Variants in PTBP2 observed in about 807,000 individuals in gnomAD.
The protein encoded by PTBP2 is polypyrimidine tract binding protein 2.
In PTBP2, 13 loss-of-function variants were observed where a neutral mutation model predicts 61.4. That is an observed-to-expected ratio of 0.21 (90% CI 0.14 to 0.34). The LOEUF is 0.34. Ranked by LOEUF, PTBP2 falls within the 10% of genes least tolerant of loss-of-function variation. The probability of loss-of-function intolerance (pLI) is 1.00; values close to 1 mark genes in which losing one functional copy is unlikely to be tolerated. For synonymous variants in PTBP2, 215 were observed against 218.5 expected, an observed-to-expected ratio of 0.98 and a Z score of 0.14; for missense variants, 405 against 642.6, an observed-to-expected ratio of 0.63 and a Z score of 4.00.
intron 8 of PTBP2, among the ~76,000 whole-genome samples, chr1:96,801,833 C>T (rs1661022499): frequency 6.7e-6 from 1 of 148,504 alleles, no homozygotes; most frequent in Non-Finnish European, 1.5e-5. Context: ...TACACTCCAG[C>T]CTGGGGGACA....
At chr1:96,748,357 A>C (rs1654110616) in intron 2 of PTBP2, among the ~76,000 whole-genome samples, 1 of 152,224 alleles carries the variant, frequency 6.6e-6, no homozygotes, top group Admixed American at 6.5e-5. Context: ...GTATCTAATA[A>C]CCATGAGAAT....
chr1:96,778,467 GA>G (rs556028253), intron 7 of PTBP2, among the ~76,000 whole-genome samples: 282 of 151,700 alleles, frequency 1.9e-3, no homozygotes, highest in Admixed American at 3.3e-3. Flanking sequence ...GTTACATATG[GA>G]GGATGTAAGG....
At chr1:96,768,418 G>T (rs767113489) in intron 3 of PTBP2, among the ~76,000 whole-genome samples, 12 of 151,944 alleles carry the variant, frequency 7.9e-5, no homozygotes, top group Non-Finnish European at 1.3e-4. Context: ...TAGTTTATAG[G>T]TTGTGTTGAA....
intron 5 of PTBP2, among the ~76,000 whole-genome samples, chr1:96,775,068 C>T (rs1407263438): frequency 3.3e-5 from 5 of 152,148 alleles, no homozygotes; most frequent in Admixed American, 2.6e-4. Context: ...CTCCCTTTAG[C>T]TATTTCTTCT....
downstream of PTBP2, chr1:96,817,319 T>TA (rs1396063595): frequency 2.6e-5 from 4 of 152,074 alleles, no homozygotes; most frequent in East Asian, 7.7e-4. Context: ...CAGAAGAAAG[T>TA]ACAGAATTCA....
chr1:96,798,076 T>TAA (rs563043412), intron 8 of PTBP2, among the ~76,000 whole-genome samples: 6 of 110,310 alleles, frequency 5.4e-5, no homozygotes, highest in African/African-American at 6.9e-5. Context: ...ACTCTGTCTC[T>TAA]AAAAAAAAAA....
At chr1:96,733,650 G>A (rs1651756470) in intron 2 of PTBP2, among the ~76,000 whole-genome samples, 1 of 152,116 alleles carries the variant, frequency 6.6e-6, no homozygotes, top group South Asian at 2.1e-4. Context: ...CAGCCTGGGC[G>A]AGAGGAGATC....
chr1:96,806,722 T>G (rs1661525999), intron 10 of PTBP2, 144 bp from the exon 11 acceptor site: 2 of 701,366 alleles, frequency 2.9e-6, no homozygotes, highest in Non-Finnish European at 4.8e-6. Flanking sequence ...CTTGATCTTC[T>G]TTATTCATTT....
intron 7 of PTBP2, among the ~76,000 whole-genome samples, chr1:96,784,790 A>C (rs1557751273): frequency 6.6e-6 from 1 of 152,042 alleles, no homozygotes; most frequent in Non-Finnish European, 1.5e-5. Context: ...ACCTATTTGC[A>C]ATTTTTAAAA....
chr1:96,775,409 A>G (rs1405697807), intron 5 of PTBP2, among the ~76,000 whole-genome samples: 1 of 152,208 alleles, frequency 6.6e-6, no homozygotes, highest in African/African-American at 2.4e-5. Context: ...CAGCAGCAGA[A>G]TATGTTGTGT....
intron 3 of PTBP2, among the ~76,000 whole-genome samples, chr1:96,767,509 G>A (rs554569790): frequency 5.3e-5 from 8 of 152,094 alleles, no homozygotes; most frequent in African/African-American, 1.7e-4. Flanking sequence ...TGAAGTATTT[G>A]TTCTCGTTAT....
intron 8 of PTBP2, among the ~76,000 whole-genome samples, chr1:96,791,794 C>G (rs1471521554): frequency 7.1e-6 from 1 of 141,526 alleles, no homozygotes; most frequent in Non-Finnish European, 1.5e-5. Context: ...ATACTGGTTA[C>G]TTAAATTCCA....
chr1:96,737,281 C>T (rs1652355027), intron 2 of PTBP2, among the ~76,000 whole-genome samples: 1 of 152,050 alleles, frequency 6.6e-6, no homozygotes, highest in South Asian at 2.1e-4. Flanking sequence ...TTTCTTTTTA[C>T]TTTTAAAAAT....
At chr1:96,772,751 C>T (rs908892973) in intron 5 of PTBP2, among the ~76,000 whole-genome samples, 6 of 152,118 alleles carry the variant, frequency 3.9e-5, no homozygotes, top group African/African-American at 7.2e-5. Flanking sequence ...ATTTCTAGTT[C>T]GTTATTATTT....
At chr1:96,746,290 C>T (rs1338013583) in intron 2 of PTBP2, among the ~76,000 whole-genome samples, 4 of 152,016 alleles carry the variant, frequency 2.6e-5, no homozygotes, top group Non-Finnish European at 5.9e-5. Flanking sequence ...ACCAGTAGTG[C>T]GTAGGAGTTC....
chr1:96,758,091 G>T (rs533924189), intron 3 of PTBP2, among the ~76,000 whole-genome samples: 1 of 152,064 alleles, frequency 6.6e-6, no homozygotes, highest in East Asian at 1.9e-4. Flanking sequence ...ATAAAGTGGA[G>T]ATAGCACTTT....
intron 4 of PTBP2, 57 bp from the exon 5 acceptor site, chr1:96,770,651 A>G: frequency 7.4e-7 from 1 of 1,359,388 alleles, no homozygotes; most frequent in African/African-American, 1.5e-5. Flanking sequence ...TAGATTGCTT[A>G]GATATTAATT....
intron 5 of PTBP2, among the ~76,000 whole-genome samples, chr1:96,773,950 G>A (rs1033875797): frequency 1.1e-4 from 16 of 140,160 alleles, no homozygotes; most frequent in Non-Finnish European, 2.3e-4. Flanking sequence ...GCGACAGAGC[G>A]AGACTCTGTC....
Position 96,789,143 on chromosome 1 carries a change from A to T in PTBP2, c.904+3889A>T, listed in dbSNP as rs575694745. Reference sequence around the variant, plus strand: ...AATTTTTCATGATCATGTTATCTACATTCTAAAAATTAGGAGAGAGACTGT... The same window carrying T: ...AATTTTTCATGATCATGTTATCTACTTTCTAAAAATTAGGAGAGAGACTGT... On this transcript the variant is annotated intron_variant, in intron 8 of 13. Transcript: ENST00000674951. 9.2e-5 allele frequency among the ~76,000 whole-genome samples: 14 copies of T among 152,192 alleles called. No homozygotes were observed. In the East Asian group the frequency reaches 2.7e-3, roughly 29 times the overall value.
Sources: gnomAD v4.1 joint callset for allele counts (sites outside exome capture counted in the v4.1 genomes callset) on GRCh38, gnomAD v4.1.1 for gene constraint, MANE v1.5 for transcripts, NCBI Gene and HGNC (gene_info 2026-07-23, HGNC 2026-07-21) for gene names.